SLC17A3: variants seen among roughly 807,000 people sequenced by gnomAD.
SLC17A3 encodes the protein sodium-dependent phosphate transport protein 4.
A neutral mutation model predicts 60.3 loss-of-function variants in SLC17A3; 61 were observed. The ratio of observed to expected loss-of-function variants is 1.01; its 90% confidence interval spans 0.82 to 1.25. The LOEUF (loss-of-function observed/expected upper bound fraction) is 1.25, where lower values mean the gene tolerates loss of function less well. Ranked by LOEUF, SLC17A3 falls within the 50% of genes most tolerant of loss-of-function variation. The pLI is 0.00. For missense variants in SLC17A3, 624 were observed against 594.9 expected (o/e 1.05, Z -0.51); for synonymous variants, 192 against 208.9 (o/e 0.92, Z 0.70).
intron 1 of SLC17A3, among the ~76,000 whole-genome samples, chr6:25,873,143 T>A (rs1414703604): frequency 6.6e-6 from 1 of 152,068 alleles, no homozygotes; most frequent in African/African-American, 2.4e-5. Flanking sequence ...CACCCACAGG[T>A]GAGCCAAGAA....
intron 12 of SLC17A3, 36 bp downstream of exon 12, chr6:25,845,344 A>T (rs1209380379): frequency 6.2e-7 from 1 of 1,612,598 alleles, no homozygotes; most frequent in East Asian, 2.2e-5. Flanking sequence ...AGCTGCTTCT[A>T]TGGCTATAAC....
chr6:25,862,050 T>C, intron 3 of SLC17A3, 21 bp from the exon 4 acceptor site: 1 of 1,564,396 alleles, frequency 6.4e-7, no homozygotes, highest in Non-Finnish European at 8.7e-7. Context: ...CAGAGAATGC[T>C]GTAGTAAACC....
At chr6:25,847,658 T>G (rs1765200007) in intron 11 of SLC17A3, among the ~76,000 whole-genome samples, 1 of 152,158 alleles carries the variant, frequency 6.6e-6, no homozygotes, top group Admixed American at 6.5e-5. Flanking sequence ...TCTCTAATGA[T>G]CAGTGATATT....
At chr6:25,850,391 A>G (rs1561853850) in intron 8 of SLC17A3, 68 bp downstream of exon 8, 21 of 1,497,914 alleles carry the variant, frequency 1.4e-5, no homozygotes, top group Non-Finnish European at 1.8e-5. Context: ...AGATGGAATG[A>G]TTAGTGAGGG....
intron 10 of SLC17A3, 90 bp downstream of exon 10, chr6:25,849,715 A>T: frequency 7.0e-7 from 1 of 1,435,558 alleles, no homozygotes; most frequent in Non-Finnish European, 9.8e-7. Flanking sequence ...CCTATGGTTT[A>T]TTCATTTCCT....
chr6:25,850,081 G>A lies in SLC17A3; in HGVS notation c.1090C>T (p.Leu364Phe). The A allele has an allele frequency of 6.2e-7, 1 of 1,613,960 alleles. No individual in the cohort carries two copies. The highest frequency in any genetic ancestry group is 8.5e-7 in the Non-Finnish European group (1 of 1,179,870). ...ADFLLTKKFR[L>F]ITVRKIATIL... Reference sequence around the variant, plus strand: ...GTGGCAATTTTCCTCACAGTGATGAGTCTAAACTTTTTGGTTAGAAGGAAA... The same window carrying A: ...GTGGCAATTTTCCTCACAGTGATGAATCTAAACTTTTTGGTTAGAAGGAAA... Residue 364 changes from leucine to phenylalanine, a missense_variant, in exon 9 of 13, where the codon CTC (leucine) becomes TTC (phenylalanine). Transcript: ENST00000397060.
chr6:25,853,024 C>A (rs1765303359), intron 6 of SLC17A3, among the ~76,000 whole-genome samples: 1 of 152,180 alleles, frequency 6.6e-6, no homozygotes, highest in Non-Finnish European at 1.5e-5. Flanking sequence ...GAGAGATCCA[C>A]AGCAGTACTC....
intron 2 of SLC17A3, among the ~76,000 whole-genome samples, chr6:25,865,688 C>T (rs1765522144): frequency 6.6e-6 from 1 of 151,914 alleles, no homozygotes; most frequent in African/African-American, 2.4e-5. Flanking sequence ...TTCCTACAGC[C>T]CACTATTTGT....
intron 5 of SLC17A3, among the ~76,000 whole-genome samples, chr6:25,860,657 C>A (rs868758571): frequency 3.9e-5 from 6 of 152,158 alleles, no homozygotes; most frequent in African/African-American, 1.4e-4. Context: ...ACTTCTGGAA[C>A]CTGCACCCTT....
intron 5 of SLC17A3, among the ~76,000 whole-genome samples, chr6:25,856,901 G>A (rs2151522320): frequency 6.7e-6 from 1 of 149,562 alleles, no homozygotes; most frequent in South Asian, 2.1e-4. Context: ...GTGAAAAAGA[G>A]AGCTAGGGGT....
chr6:25,846,911 G>A (rs556293355), intron 11 of SLC17A3, among the ~76,000 whole-genome samples: 5 of 152,182 alleles, frequency 3.3e-5, no homozygotes, highest in South Asian at 4.2e-4. Flanking sequence ...GCACCTGGCC[G>A]GAAATATTAT....
At chr6:25,868,167 A>G (rs1459600052) in intron 2 of SLC17A3, 130 bp downstream of exon 2, 6 of 737,808 alleles carry the variant, frequency 8.1e-6, no homozygotes, top group South Asian at 3.1e-5. Context: ...TTTGCAAAAT[A>G]TGTTAATTTC....
chr6:25,865,647 C>T (rs1335902947), intron 2 of SLC17A3, among the ~76,000 whole-genome samples: 3 of 151,958 alleles, frequency 2.0e-5, no homozygotes, highest in Non-Finnish European at 4.4e-5. Context: ...ATTTAAAAGG[C>T]TTAGTCTGGT....
At chr6:25,873,143 T>C (rs1414703604) in intron 1 of SLC17A3, among the ~76,000 whole-genome samples, 1 of 152,068 alleles carries the variant, frequency 6.6e-6, no homozygotes, top group African/African-American at 2.4e-5. Flanking sequence ...CACCCACAGG[T>C]GAGCCAAGAA....
Position 25,849,843 on chromosome 6 carries a change from C to A in SLC17A3, c.1233G>T (p.Gln411His). Residue 411 changes from glutamine (Q) to histidine (H), a missense_variant, in exon 10 of 13, where the codon CAG (glutamine) becomes CAT (histidine). By Grantham distance (24) the Gln-to-His change is conservative. Transcript: ENST00000397060. ...TLSCGLSTLC[Q>H]SGIYINVLDI... is the part of the protein sequence containing the mutation. Reference sequence around the variant, plus strand: ...CTAAGACATTGATATAAATCCCTGACTGACACAATGTGCTTAATCCGCAAG... The same window carrying A: ...CTAAGACATTGATATAAATCCCTGAATGACACAATGTGCTTAATCCGCAAG... 1 of 1,613,994 alleles carries A rather than the reference C, an allele frequency of 6.2e-7. No homozygotes were observed. Among genetic ancestry groups the A allele is most frequent in the Non-Finnish European group, 8.5e-7 (1 of 1,179,856 alleles).
chr6:25,849,549 TCAATTATATTTCA>T, intron 10 of SLC17A3, 85 bp from the exon 11 acceptor site: 1 of 837,726 alleles, frequency 1.2e-6, no homozygotes, highest in Non-Finnish European at 2.0e-6. Flanking sequence ...AATCTATAAC[TCAATTATATTTCA>T]CAATTATATA....
chr6:25,845,547 C>T, intron 11 of SLC17A3, 31 bp from the exon 12 acceptor site: 1 of 1,612,086 alleles, frequency 6.2e-7, no homozygotes, highest in Non-Finnish European at 8.5e-7. Flanking sequence ...GTATATATTA[C>T]CCCTTTCATA....
chr6:25,860,312 G>A (rs537948112), intron 5 of SLC17A3, among the ~76,000 whole-genome samples: 5 of 152,136 alleles, frequency 3.3e-5, no homozygotes, highest in African/African-American at 4.8e-5. Context: ...ACAGTACACC[G>A]TGTCCTAGAG....
chr6:25,850,336 G>A, intron 8 of SLC17A3, 123 bp downstream of exon 8: 2 of 1,314,332 alleles, frequency 1.5e-6, no homozygotes, highest in African/African-American at 1.5e-5. Context: ...ACTGGCATGA[G>A]TATTAAATAT....
Sources: allele counts gnomAD v4.1 joint callset (sites outside exome capture counted in the v4.1 genomes callset), GRCh38; gene constraint gnomAD v4.1.1; transcripts MANE v1.5; gene names NCBI Gene and HGNC (gene_info 2026-07-23, HGNC 2026-07-21).